ZSWIM5: variants seen among roughly 807,000 people sequenced by gnomAD.
The protein encoded by ZSWIM5 is zinc finger SWIM domain-containing protein 5.
Under a neutral mutation model 119.6 loss-of-function variants are expected in ZSWIM5, and 55 were observed. That is an observed-to-expected ratio of 0.46 (90% confidence interval 0.37 to 0.58). ZSWIM5 has a LOEUF of 0.58. Among genes scored for constraint, ZSWIM5 ranks in the 20% least tolerant of loss-of-function variants. The pLI is 0.00. For synonymous variants in ZSWIM5, 537 were observed against 606.9 expected (o/e 0.88, Z 1.69); for missense variants, 1,193 against 1,512.8 (o/e 0.79, Z 3.51).
chr1:45,032,304 A>T (rs1236836135), intron 11 of ZSWIM5, among the ~76,000 whole-genome samples: 1 of 149,610 alleles, frequency 6.7e-6, no homozygotes, highest in Non-Finnish European at 1.5e-5. Context: ...AATTTTTAAA[A>T]TTTTTTGTAA....
chr1:45,180,470 T>C (rs1213779773), intron 1 of ZSWIM5, among the ~76,000 whole-genome samples: 2 of 152,182 alleles, frequency 1.3e-5, no homozygotes, highest in African/African-American at 4.8e-5. Flanking sequence ...CAAGGAGGCC[T>C]GCCTGCCTCT....
intron 11 of ZSWIM5, among the ~76,000 whole-genome samples, chr1:45,033,596 C>T (rs1644965278): frequency 7.1e-6 from 1 of 139,992 alleles, no homozygotes; most frequent in African/African-American, 2.6e-5. Flanking sequence ...TTTACCAGGG[C>T]ACTGAAAAAA....
intron 2 of ZSWIM5, among the ~76,000 whole-genome samples, chr1:45,081,430 C>T (rs970348144): frequency 6.6e-6 from 1 of 152,228 alleles, no homozygotes; most frequent in Non-Finnish European, 1.5e-5. Flanking sequence ...CCTGCCTCAG[C>T]CTGCGGAGTG....
chr1:45,035,968 T>C (rs1483562670), intron 9 of ZSWIM5, 71 bp downstream of exon 9: 1 of 1,575,170 alleles, frequency 6.3e-7, no homozygotes. Flanking sequence ...CCTGTACTTG[T>C]ACTCTATTGG....
chr1:45,166,555 C>T (rs188688460), intron 1 of ZSWIM5, among the ~76,000 whole-genome samples: 11 of 151,908 alleles, frequency 7.2e-5, no homozygotes, highest in African/African-American at 2.4e-4. Flanking sequence ...ATGACATGAT[C>T]GTATATTTAG....
intron 5 of ZSWIM5, 93 bp downstream of exon 5, chr1:45,050,981 C>G (rs1337842489): frequency 1.6e-6 from 2 of 1,281,416 alleles, no homozygotes; most frequent in African/African-American, 3.0e-5. Flanking sequence ...ATTCTGACAG[C>G]TAAAAGGCTA....
At chr1:45,089,831 C>T (rs973428103) in intron 1 of ZSWIM5, among the ~76,000 whole-genome samples, 2 of 151,898 alleles carry the variant, frequency 1.3e-5, no homozygotes, top group Non-Finnish European at 2.9e-5. Context: ...AAAAAGTAGC[C>T]GGTATGGTGG....
intron 2 of ZSWIM5, among the ~76,000 whole-genome samples, chr1:45,063,560 A>G (rs898920963): frequency 1.3e-5 from 2 of 152,192 alleles, no homozygotes; most frequent in East Asian, 3.8e-4. Flanking sequence ...TCAGCCAGAA[A>G]GACTGTTCCC....
At position 45,019,385 on chromosome 1, in the gene ZSWIM5, T is replaced by G; in HGVS notation, c.2696-69A>C. On this transcript the variant is annotated intron_variant, in intron 13 of 13. Coordinates refer to ENST00000359600, the MANE Select transcript of ZSWIM5 (RefSeq NM_020883.2). This position sits in a 1 kb window ranked among gnomAD's most constrained non-coding sequence, Gnocchi z 5.0. ...GATTCAGGTCTACCCAGATTACCAT[T>G]TGGGGTTTGAACTTGGCCTGCAGAG... The G allele has an allele frequency of 6.5e-7, 1 of 1,536,200 alleles. No homozygotes were observed. Among genetic ancestry groups the G allele is most frequent in the Non-Finnish European group, 8.7e-7 (1 of 1,145,906 alleles).
At chr1:45,095,509 C>CTCTTAAACTACAAGT (rs1553193920) in intron 1 of ZSWIM5, among the ~76,000 whole-genome samples, 1 of 152,126 alleles carries the variant, frequency 6.6e-6, no homozygotes, top group East Asian at 1.9e-4. Context: ...GTTGTTATGT[C>CTCTTAAACTACAAGT]TCTTAAACTA....
At chr1:45,173,446 A>G (rs888988789) in intron 1 of ZSWIM5, among the ~76,000 whole-genome samples, 4 of 152,170 alleles carry the variant, frequency 2.6e-5, no homozygotes, top group African/African-American at 9.7e-5. Flanking sequence ...ATAGACAGAA[A>G]AGGAAACAAT....
At chr1:45,148,393 C>T (rs1166673555) in intron 1 of ZSWIM5, among the ~76,000 whole-genome samples, 1 of 150,532 alleles carries the variant, frequency 6.6e-6, no homozygotes, top group Non-Finnish European at 1.5e-5. Context: ...TAAAGTAGGC[C>T]AAAGGGTAGG....
intron 1 of ZSWIM5, among the ~76,000 whole-genome samples, chr1:45,117,300 AT>A (rs1166168349): frequency 1.3e-5 from 2 of 152,218 alleles, no homozygotes; most frequent in African/African-American, 4.8e-5. Context: ...GAGGATCATT[AT>A]CAGATCATTC....
intron 1 of ZSWIM5, among the ~76,000 whole-genome samples, chr1:45,181,149 A>T (rs1177952009): frequency 6.6e-6 from 1 of 152,180 alleles, no homozygotes; most frequent in Non-Finnish European, 1.5e-5. Flanking sequence ...CTAAAGGAGG[A>T]AATTCAAACC....
At chr1:45,110,002 C>T (rs1000458558) in intron 1 of ZSWIM5, among the ~76,000 whole-genome samples, 4 of 152,028 alleles carry the variant, frequency 2.6e-5, no homozygotes, top group Non-Finnish European at 4.4e-5. Context: ...CAAGCTGGGA[C>T]CACAGATGCA....
chr1:45,137,896 T>C (rs1645699243), intron 1 of ZSWIM5, among the ~76,000 whole-genome samples: 1 of 152,106 alleles, frequency 6.6e-6, no homozygotes, highest in East Asian at 1.9e-4. Context: ...GAGAACATAC[T>C]ATACTGAGGC....
chr1:45,030,201 C>T (rs1172492880), intron 11 of ZSWIM5, among the ~76,000 whole-genome samples: 1 of 152,126 alleles, frequency 6.6e-6, no homozygotes, highest in East Asian at 1.9e-4. Flanking sequence ...ACCTCAGCCT[C>T]CCAAAGTGTT....
chr1:45,043,179 G>A (rs1292938181), intron 6 of ZSWIM5, 40 bp downstream of exon 6: 2 of 1,602,436 alleles, frequency 1.2e-6, no homozygotes, highest in Non-Finnish European at 1.7e-6. Context: ...GGCATGAAGT[G>A]AGGGTGGCTC....
chr1:45,183,897 T>G (rs1452888139), intron 1 of ZSWIM5, among the ~76,000 whole-genome samples: 1 of 152,226 alleles, frequency 6.6e-6, no homozygotes, highest in Non-Finnish European at 1.5e-5. Flanking sequence ...TAACTCATTT[T>G]ATGAGGCCAG....
Sources: allele counts gnomAD v4.1 joint callset (sites outside exome capture counted in the v4.1 genomes callset), GRCh38; gene constraint gnomAD v4.1.1; non-coding constraint Gnocchi (gnomAD v3.1); transcripts MANE v1.5; gene names NCBI Gene and HGNC (gene_info 2026-07-23, HGNC 2026-07-21).